GPC5: variants seen among roughly 807,000 people sequenced by gnomAD.
GPC5 encodes the protein glypican-5.
Under a neutral mutation model 53.9 loss-of-function variants are expected in GPC5, and 47 were observed. That is an observed-to-expected ratio of 0.87 (90% CI 0.69 to 1.11). GPC5 has a LOEUF of 1.11. Among genes scored for constraint, GPC5 ranks in the 50% most tolerant of loss-of-function variants. The probability of loss-of-function intolerance (pLI) is 0.00; values close to 1 mark genes in which losing one functional copy is unlikely to be tolerated. For missense variants in GPC5, 748 were observed against 713.1 expected, an observed-to-expected ratio of 1.05 and a Z score of -0.56; for synonymous variants, 286 against 263.3, an observed-to-expected ratio of 1.09 and a Z score of -0.84.
intron 7 of GPC5, among the ~76,000 whole-genome samples, chr13:92,316,292 A>T (rs1258091814): frequency 6.6e-6 from 1 of 152,204 alleles, no homozygotes; most frequent in Non-Finnish European, 1.5e-5. Flanking sequence ...CTTCAGGATA[A>T]CTAAGTATAA....
chr13:92,465,570 C>A (rs542585658), intron 7 of GPC5, among the ~76,000 whole-genome samples: 1 of 152,088 alleles, frequency 6.6e-6, no homozygotes, highest in African/African-American at 2.4e-5. Context: ...CATTTTGAAA[C>A]TTGAAAACCA....
intron 6 of GPC5, among the ~76,000 whole-genome samples, chr13:91,949,495 G>T (rs2040006475): frequency 6.6e-6 from 1 of 152,126 alleles, no homozygotes; most frequent in South Asian, 2.1e-4. Flanking sequence ...AAGTTTTATG[G>T]TTCAGGAGAT....
chr13:92,846,076 G>C (rs1272800701), intron 7 of GPC5, among the ~76,000 whole-genome samples: 1 of 152,082 alleles, frequency 6.6e-6, no homozygotes, highest in East Asian at 1.9e-4. Flanking sequence ...AAATTTAATT[G>C]ACTTACAGTT....
chr13:92,322,274 GAAA>G (rs538544943), intron 7 of GPC5, among the ~76,000 whole-genome samples: 1 of 130,046 alleles, frequency 7.7e-6, no homozygotes, highest in Non-Finnish European at 1.6e-5. Flanking sequence ...GTGAATGGGG[GAAA>G]AAAAAAAGTT....
chr13:91,528,816 C>T (rs1053681580), intron 2 of GPC5, among the ~76,000 whole-genome samples: 1 of 152,152 alleles, frequency 6.6e-6, no homozygotes, highest in African/African-American at 2.4e-5. Flanking sequence ...GGAAGAAAGG[C>T]ACATCTTACA....
chr13:92,819,567 T>G, intron 7 of GPC5, among the ~76,000 whole-genome samples: 1 of 152,328 alleles, frequency 6.6e-6, no homozygotes, highest in East Asian at 1.9e-4. Context: ...TCTAAATTAC[T>G]TTTTTTGAAT....
At chr13:92,110,746 A>G (rs1163919099) in intron 6 of GPC5, among the ~76,000 whole-genome samples, 6 of 152,342 alleles carry the variant, frequency 3.9e-5, no homozygotes, top group Non-Finnish European at 5.9e-5. Context: ...ATTCTAACTA[A>G]TAATTCACTG....
At chr13:92,294,040 A>C (rs1321650860) in intron 7 of GPC5, among the ~76,000 whole-genome samples, 3 of 152,100 alleles carry the variant, frequency 2.0e-5, no homozygotes, top group Non-Finnish European at 4.4e-5. Context: ...CTGGTATGAA[A>C]CCTACTTGAT....
intron 6 of GPC5, among the ~76,000 whole-genome samples, chr13:92,080,622 ACTTTAT>A (rs1415278548): frequency 1.3e-5 from 2 of 152,048 alleles, no homozygotes; most frequent in African/African-American, 4.8e-5. Context: ...TGTGATCTGG[ACTTTAT>A]CTTCATCATT....
chr13:92,696,436 T>A (rs561320363), intron 7 of GPC5, among the ~76,000 whole-genome samples: 1 of 152,358 alleles, frequency 6.6e-6, no homozygotes, highest in Non-Finnish European at 1.5e-5. Flanking sequence ...TTTGCATTTC[T>A]CTAATGACCA....
At chr13:92,174,172 T>G (rs1013268271) in intron 7 of GPC5, among the ~76,000 whole-genome samples, 3 of 151,702 alleles carry the variant, frequency 2.0e-5, no homozygotes, top group Non-Finnish European at 4.4e-5. Flanking sequence ...CATCTTTACG[T>G]CATTAAAAAA....
chr13:92,627,857 A>G (rs1342847087), intron 7 of GPC5, among the ~76,000 whole-genome samples: 1 of 152,220 alleles, frequency 6.6e-6, no homozygotes, highest in Admixed American at 6.5e-5. Flanking sequence ...CAGCCTGTCC[A>G]AAGTGTCTAG....
At chr13:91,945,299 T>C (rs1376600882) in intron 6 of GPC5, among the ~76,000 whole-genome samples, 1 of 152,198 alleles carries the variant, frequency 6.6e-6, no homozygotes, top group Non-Finnish European at 1.5e-5. Flanking sequence ...TCTACAATGA[T>C]TTTGTTTTTA....
intron 2 of GPC5, among the ~76,000 whole-genome samples, chr13:91,627,772 C>T (rs987257238): frequency 6.6e-6 from 1 of 152,046 alleles, no homozygotes; most frequent in Non-Finnish European, 1.5e-5. Context: ...CACAATTTTC[C>T]TGTAGCATTT....
intron 7 of GPC5, among the ~76,000 whole-genome samples, chr13:92,394,851 C>G (rs1368388337): frequency 6.6e-6 from 1 of 152,152 alleles, no homozygotes; most frequent in African/African-American, 2.4e-5. Flanking sequence ...TGGATATAAT[C>G]TTAACTTTTT....
chr13:92,735,247 T>TA (rs1272668613), intron 7 of GPC5, among the ~76,000 whole-genome samples: 1 of 151,950 alleles, frequency 6.6e-6, no homozygotes, highest in South Asian at 2.1e-4. Flanking sequence ...TTATGTTAGT[T>TA]AATAAGTTCC....
intron 6 of GPC5, among the ~76,000 whole-genome samples, chr13:92,017,789 C>T (rs565285294): frequency 2.0e-4 from 31 of 151,476 alleles, no homozygotes; most frequent in East Asian, 3.9e-4. Flanking sequence ...TACACACACA[C>T]GCATGAGTAC....
chr13:91,757,553 G>C, intron 5 of GPC5, among the ~76,000 whole-genome samples: 1 of 152,174 alleles, frequency 6.6e-6, no homozygotes, highest in Middle Eastern at 3.4e-3. Flanking sequence ...TAATTCTCCC[G>C]AGATCTGATG....
intron 5 of GPC5, among the ~76,000 whole-genome samples, chr13:91,831,811 G>A (rs993525801): frequency 1.3e-5 from 2 of 152,072 alleles, no homozygotes; most frequent in African/African-American, 4.8e-5. Context: ...TGATTGCACT[G>A]TGGTCTGAGA....
Sources: gnomAD v4.1 joint callset for allele counts (sites outside exome capture counted in the v4.1 genomes callset) on GRCh38, gnomAD v4.1.1 for gene constraint, MANE v1.5 for transcripts, NCBI Gene and HGNC (gene_info 2026-07-23, HGNC 2026-07-21) for gene names.